Variants in TCAF1 observed in about 807,000 individuals in gnomAD.
TCAF1 encodes the protein TRPM8 channel-associated factor 1.
TCAF1 carries 4 observed loss-of-function variants against 27.3 expected under a neutral mutation model. The observed-to-expected ratio is 0.15, with a 90% CI of 0.07 to 0.34. The LOEUF (loss-of-function observed/expected upper bound fraction) is 0.34. TCAF1 is among the 10% of genes least tolerant of loss of function. TCAF1 has a pLI of 1.00. For missense variants in TCAF1, 257 were observed against 425.8 expected (o/e 0.60, Z 3.49); for synonymous variants, 105 against 167.1 (o/e 0.63, Z 2.87).
intron 2 of TCAF1, among the ~76,000 whole-genome samples, chr7:143,874,989 C>G (rs1444458546): frequency 3.9e-5 from 6 of 152,140 alleles, no homozygotes; most frequent in Admixed American, 3.9e-4. Context: ...TAAAATGATA[C>G]GAGTCATCTT....
intron 1 of TCAF1, among the ~76,000 whole-genome samples, chr7:143,876,904 A>G (rs143512062): frequency 1.3e-3 from 199 of 152,304 alleles, no homozygotes; most frequent in African/African-American, 4.7e-3. Context: ...TGTGTCCCCC[A>G]AAGAGATATT....
chr7:143,885,343 G>T (rs1813344396), intron 1 of TCAF1: 2 of 985,028 alleles, frequency 2.0e-6, no homozygotes, highest in Non-Finnish European at 2.4e-6. Context: ...AGGCGTGTGG[G>T]GGGAGGTGGG....
chr7:143,885,448 A>C (rs1813354130), intron 1 of TCAF1: 1 of 985,330 alleles, frequency 1.0e-6, no homozygotes, highest in Non-Finnish European at 1.2e-6. Context: ...CGGACCGCAG[A>C]GGCCCGGCTT....
At chr7:143,899,071 C>T (rs539099313) in intron 1 of TCAF1, among the ~76,000 whole-genome samples, 1 of 152,150 alleles carries the variant, frequency 6.6e-6, no homozygotes, top group Non-Finnish European at 1.5e-5. Context: ...ATTTTTGTTC[C>T]TTATACATTA....
At chr7:143,897,814 C>T (rs1049971794) in intron 1 of TCAF1, among the ~76,000 whole-genome samples, 4 of 152,046 alleles carry the variant, frequency 2.6e-5, no homozygotes, top group African/African-American at 7.2e-5. Flanking sequence ...CAGATAATCC[C>T]AATCTTGCAC....
Position 143,883,500 on chromosome 7 carries a change from CT to C in TCAF1, c.-14-6879del, listed in dbSNP as rs374825743. Among the ~76,000 whole-genome samples, 727 of 98,062 alleles carry C rather than the reference CT, an allele frequency of 7.4e-3. 1 individual carries two copies. The highest frequency in any genetic ancestry group is 1.0e-2 in the South Asian group (31 of 3,108). The allele number at this position is 98,062 out of a possible 152,430, so 64.3% of individuals were successfully genotyped here. On this transcript the variant is annotated intron_variant, in intron 1 of 8. Coordinates refer to ENST00000479870, the MANE Select transcript of TCAF1 (RefSeq NM_014719.3). ...AATCGCATTTCTTTCTTTCCTTTTT[CT>C]TTTTTTTTTTTTTTTTTTTTTTGAG...
At chr7:143,880,574 C>G (rs901534431) in intron 1 of TCAF1, among the ~76,000 whole-genome samples, 3 of 152,142 alleles carry the variant, frequency 2.0e-5, no homozygotes, top group Non-Finnish European at 1.5e-5. Context: ...AGAAACAACA[C>G]CGAGTTAATA....
chr7:143,897,666 A>C (rs1037139391), intron 1 of TCAF1, among the ~76,000 whole-genome samples: 3 of 152,102 alleles, frequency 2.0e-5, no homozygotes, highest in African/African-American at 7.2e-5. Flanking sequence ...GAAATTGTTA[A>C]ATATCTTGGA....
rs1402891668 is a variant in TCAF1 at position 143,876,402 on chromosome 7, C to T, written c.207G>A (p.Val69=). 6.2e-7 allele frequency: 1 copy of T among 1,613,714 alleles called. No individual in the cohort carries two copies. The highest frequency in any genetic ancestry group is 2.2e-5 in the East Asian group (1 of 44,882). ...LVVVSHEDYL[V]EAQLTPFLLN... is the part of the protein sequence containing the mutation. ...GGAGAAAGGGCGTGAGCTGGGCTTC[C>T]ACCAAGTAGTCCTCATGGGACACGA... is the stretch of plus-strand genomic sequence containing the variant. Residue 69 remains valine (V), a synonymous_variant, in exon 2 of 9, where the codon GTG becomes GTA. Transcript: ENST00000479870.
intron 2 of TCAF1, among the ~76,000 whole-genome samples, chr7:143,873,825 CTG>C (rs1443403391): frequency 3.9e-4 from 18 of 46,044 alleles, no homozygotes; most frequent in African/African-American, 1.5e-3. Flanking sequence ...CTCTTTTTCT[CTG>C]TGTCTCTTTC....
rs1404019883 is a variant in TCAF1, at chr7:143,852,123, A to T, written c.*2010T>A. On this transcript the variant is annotated 3_prime_UTR_variant, in exon 9 of 9. Coordinates refer to ENST00000479870, the MANE Select transcript of TCAF1 (RefSeq NM_014719.3). ...AAATGTACCTATCAAGCCTCTTCTT[A>T]TTCTTCATGAATAACTCAAAATCAT... 2 of 151,128 alleles carry T rather than the reference A, an allele frequency of 1.3e-5. No homozygotes were observed. Among genetic ancestry groups the T allele is most frequent in the African/African-American group, 2.4e-5 (1 of 41,110 alleles). 9.4% of individuals were successfully genotyped at this position (151,128 alleles called of 1,614,324 possible). A position where few individuals can be genotyped will look rare whatever the true frequency, so the allele number is the denominator to read the frequency against.
chr7:143,887,217 G>A (rs1180847501), intron 1 of TCAF1, among the ~76,000 whole-genome samples: 1 of 152,014 alleles, frequency 6.6e-6, no homozygotes, highest in East Asian at 1.9e-4. Flanking sequence ...ACTAAGTTTG[G>A]TAAATATTCT....
At chr7:143,896,155 A>G (rs2116868095) in intron 1 of TCAF1, among the ~76,000 whole-genome samples, 1 of 151,994 alleles carries the variant, frequency 6.6e-6, no homozygotes, top group African/African-American at 2.4e-5. Context: ...CAGATTCTGA[A>G]GAGTTAGAGT....
Position 143,876,071 on chromosome 7 carries a change from C to T in TCAF1, c.538G>A (p.Gly180Ser), listed in dbSNP as rs1397243295. The T allele has an allele frequency of 1.2e-6, 2 of 1,611,722 alleles. No homozygotes were observed. The highest frequency in any genetic ancestry group is 2.7e-5 in the African/African-American group (2 of 74,844). ...CCTTTGTTGTCAGTAAAGTAAATGCCAGCCACACTGGTCACGAGGTTCCCA... is the reference window on the plus strand; with the variant it reads ...CCTTTGTTGTCAGTAAAGTAAATGCTAGCCACACTGGTCACGAGGTTCCCA... ...FPGNLVTSVA[G>S]IYFTDNKGDT... Residue 180 changes from glycine (G) to serine (S), a missense_variant, in exon 2 of 9, where the codon GGC (glycine) becomes AGC (serine). By Grantham distance (56) the Gly-to-Ser change is moderately conservative. Transcript: ENST00000479870.
At position 143,879,175 on chromosome 7, in the gene TCAF1, T is replaced by C. The variant is rs187994921; in HGVS notation, c.-14-2553A>G. Among the ~76,000 whole-genome samples, 13 of 152,280 alleles carry C rather than the reference T, an allele frequency of 8.5e-5. No homozygotes were observed. In the East Asian group the frequency reaches 2.5e-3, roughly 29 times the overall value. ...CATTCTGTTCCCTCTCCCAAATCTT[T>C]CTATCTACGGAAATCCTGTCCTTCT... On this transcript the variant is annotated intron_variant, in intron 1 of 8. Transcript: ENST00000479870.
intron 6 of TCAF1, among the ~76,000 whole-genome samples, chr7:143,859,958 G>GTATATTATAT (rs1811852912): frequency 2.5e-5 from 1 of 40,754 alleles, no homozygotes; most frequent in Non-Finnish European, 4.0e-5. Context: ...ATATATTACG[G>GTATATTATAT]AATATATATT....
At chr7:143,883,199 A>G (rs969353746) in intron 1 of TCAF1, among the ~76,000 whole-genome samples, 4 of 152,200 alleles carry the variant, frequency 2.6e-5, no homozygotes, top group African/African-American at 9.6e-5. Flanking sequence ...ATATACCGTG[A>G]TATATTGCCA....
At chr7:143,889,224 T>C (rs992620002) in intron 1 of TCAF1, among the ~76,000 whole-genome samples, 2 of 152,140 alleles carry the variant, frequency 1.3e-5, no homozygotes, top group African/African-American at 2.4e-5. Flanking sequence ...CAAATAGATA[T>C]AATAGAAAGA....
chr7:143,886,937 G>T (rs1472043230), intron 1 of TCAF1, among the ~76,000 whole-genome samples: 4 of 149,816 alleles, frequency 2.7e-5, no homozygotes, highest in African/African-American at 9.9e-5. Flanking sequence ...GAAGTCCTGG[G>T]CTCAAGTGAT....
Sources: gnomAD v4.1 joint callset for allele counts (sites outside exome capture counted in the v4.1 genomes callset) on GRCh38, gnomAD v4.1.1 for gene constraint, MANE v1.5 for transcripts, NCBI Gene and HGNC (gene_info 2026-07-23, HGNC 2026-07-21) for gene names.